Variants in ARHGAP35 observed in about 807,000 individuals in gnomAD.
ARHGAP35 encodes Rho GTPase activating protein 35.
Under a neutral mutation model 111.1 loss-of-function variants are expected in ARHGAP35, and 15 were observed. That is an observed-to-expected ratio of 0.13 (90% CI 0.09 to 0.21). The LOEUF is 0.21. ARHGAP35 is among the 10% of genes least tolerant of loss of function. The pLI is 1.00. For synonymous variants in ARHGAP35, 643 were observed against 710.3 expected (o/e 0.91, Z 1.51); for missense variants, 1,262 against 1,873.0 (o/e 0.67, Z 6.02).
rs201154399 is a variant in ARHGAP35, at chr19:46,905,555, A to ACC, written c.-188-12922_-188-12921dup. On this transcript the variant is annotated intron_variant, in intron 1 of 6. Transcript: ENST00000672722. ...CGCGCCCAGCTAATTTTTGTATTCC[A>ACC]CCCCCCCCCCCCAAGACAGAGTCTT... Among the ~76,000 whole-genome samples, 272 of 103,846 alleles carry ACC rather than the reference A, an allele frequency of 2.6e-3. 6 individuals carry two copies. The highest frequency in any genetic ancestry group is 9.4e-3 in the African/African-American group (237 of 25,088). 68.1% of individuals were successfully genotyped at this position (103,846 alleles called of 152,430 possible). A position where few individuals can be genotyped will look rare whatever the true frequency, so the allele number is the denominator to read the frequency against.
At chr19:46,958,016 G>A (rs1233763238) in intron 3 of ARHGAP35, among the ~76,000 whole-genome samples, 1 of 152,152 alleles carries the variant, frequency 6.6e-6, no homozygotes, top group African/African-American at 2.4e-5. Flanking sequence ...CGATCCTCCT[G>A]CCTCAGCCTC....
chr19:46,924,880 A>C (rs1441545188), intron 2 of ARHGAP35, among the ~76,000 whole-genome samples: 1 of 152,254 alleles, frequency 6.6e-6, no homozygotes, highest in East Asian at 1.9e-4. Context: ...ATACTTACTG[A>C]AAATGATGCT....
intron 3 of ARHGAP35, among the ~76,000 whole-genome samples, chr19:46,977,011 A>G (rs1408692087): frequency 6.6e-6 from 1 of 152,208 alleles, no homozygotes; most frequent in Admixed American, 6.5e-5. Flanking sequence ...TGAAGCACAG[A>G]TGAACTAACC....
chr19:46,981,824 G>GGTGTT (rs1398373595), intron 3 of ARHGAP35, among the ~76,000 whole-genome samples: 3 of 110,326 alleles, frequency 2.7e-5, no homozygotes, highest in Admixed American at 9.3e-5. Flanking sequence ...AGTATTTTTT[G>GGTGTT]GTGTTTTGTT....
intron 3 of ARHGAP35, among the ~76,000 whole-genome samples, chr19:46,981,002 G>C (rs2122319838): frequency 6.6e-6 from 1 of 152,306 alleles, no homozygotes; most frequent in East Asian, 1.9e-4. Flanking sequence ...CTCACCCTTT[G>C]ATCTTCCATT....
chr19:46,879,220 G>T (rs913476164), intron 1 of ARHGAP35, among the ~76,000 whole-genome samples: 1 of 152,170 alleles, frequency 6.6e-6, no homozygotes, highest in Non-Finnish European at 1.5e-5. Context: ...CTCTTCGGAA[G>T]GCCGAGGTGA....
intron 3 of ARHGAP35, among the ~76,000 whole-genome samples, chr19:46,965,466 T>TTTTGTTTGTTTGTTTG (rs146545859): frequency 6.0e-5 from 9 of 150,154 alleles, no homozygotes; most frequent in Admixed American, 2.0e-4. Context: ...TTCTTGGGTT[T>TTTTGTTTGTTTGTTTG]TTTGTTTGTT....
intron 1 of ARHGAP35, among the ~76,000 whole-genome samples, chr19:46,870,436 G>A (rs1013183318): frequency 4.6e-5 from 7 of 151,876 alleles, no homozygotes; most frequent in African/African-American, 7.2e-5. Context: ...AAAATTAGCC[G>A]GGTGTGGTGG....
intron 1 of ARHGAP35, among the ~76,000 whole-genome samples, chr19:46,903,453 C>A (rs2056091333): frequency 6.6e-6 from 1 of 152,190 alleles, no homozygotes; most frequent in African/African-American, 2.4e-5. Flanking sequence ...GAGGGAACCA[C>A]TCAGTGGGTT....
intron 1 of ARHGAP35, among the ~76,000 whole-genome samples, chr19:46,907,690 G>A (rs1306097690): frequency 6.6e-6 from 1 of 150,976 alleles, no homozygotes; most frequent in Non-Finnish European, 1.5e-5. Context: ...TGTTAGCCAG[G>A]ATGGTCTCCA....
At chr19:46,927,501 G>A (rs2056245290) in intron 2 of ARHGAP35, among the ~76,000 whole-genome samples, 1 of 152,204 alleles carries the variant, frequency 6.6e-6, no homozygotes, top group African/African-American at 2.4e-5. Flanking sequence ...AAGCTTCATG[G>A]AGCTGAAAGA....
chr19:46,903,251 G>A (rs1335812918), intron 1 of ARHGAP35, among the ~76,000 whole-genome samples: 1 of 152,206 alleles, frequency 6.6e-6, no homozygotes, highest in African/African-American at 2.4e-5. Context: ...AATCATATTA[G>A]CTATGGTACA....
chr19:46,915,603 AAC>A (rs2056158493), intron 1 of ARHGAP35, among the ~76,000 whole-genome samples: 1 of 152,194 alleles, frequency 6.6e-6, no homozygotes, highest in African/African-American at 2.4e-5. Context: ...GGCTTACAAA[AAC>A]ATAATGAGGT....
chr19:46,997,971 G>A (rs1457849578), intron 5 of ARHGAP35, among the ~76,000 whole-genome samples: 7 of 151,992 alleles, frequency 4.6e-5, no homozygotes, highest in Admixed American at 2.0e-4. Flanking sequence ...GCGTGGTGGC[G>A]GGCACCTGTA....
At chr19:46,925,217 G>C (rs1016962449) in intron 2 of ARHGAP35, among the ~76,000 whole-genome samples, 4 of 152,174 alleles carry the variant, frequency 2.6e-5, no homozygotes, top group Admixed American at 6.5e-5. Flanking sequence ...TTCTTTTCCT[G>C]CCTTGGAAAA....
rs1200452244 is a variant in ARHGAP35 at position 46,901,987 on chromosome 19, A to G, written c.-188-16501A>G. On this transcript the variant is annotated intron_variant, in intron 1 of 6. Coordinates refer to ENST00000672722, the MANE Select transcript of ARHGAP35 (RefSeq NM_004491.5). This position sits in a 1 kb window ranked among gnomAD's most constrained non-coding sequence, Gnocchi z 4.5. ...CTGGCTCCTCTCCAAGTGTTCTACC[A>G]CTAAAATGTTAATATTACCTTTCTC... 3.9e-5 allele frequency among the ~76,000 whole-genome samples: 6 copies of G among 152,202 alleles called. No homozygotes were observed. Among genetic ancestry groups the G allele is most frequent in the Admixed American group, 2.0e-4 (3 of 15,280 alleles).
At chr19:46,943,740 G>A (rs1368335608) in intron 3 of ARHGAP35, among the ~76,000 whole-genome samples, 32 of 152,178 alleles carry the variant, frequency 2.1e-4, no homozygotes, top group Non-Finnish European at 2.4e-4. Context: ...TTTAAGGCTT[G>A]TCCTGCAAAA....
Position 46,987,985 on chromosome 19 carries a change from T to C in ARHGAP35, c.3827-4T>C. The C allele has an allele frequency of 6.2e-7, 1 of 1,613,718 alleles. No homozygotes were observed. The highest frequency in any genetic ancestry group is 8.5e-7 in the Non-Finnish European group (1 of 1,179,796). On this transcript the variant is annotated splice_region_variant and splice_polypyrimidine_tract_variant and intron_variant, in intron 3 of 6. Coordinates refer to ENST00000672722, the MANE Select transcript of ARHGAP35 (RefSeq NM_004491.5). ...CTCCTAAGACCCTGCCTGTTTCTCC[T>C]CAGGACTGAGCACGGAAGGCATCTA...
Position 46,921,404 on chromosome 19 carries a change from A to G in ARHGAP35, c.2729A>G (p.Glu910Gly). The change falls in exon 2 of 7, where the codon GAG (glutamate) becomes GGG (glycine). Residue 910 changes from glutamate to glycine, a missense_variant. Coordinates refer to ENST00000672722, the MANE Select transcript of ARHGAP35 (RefSeq NM_004491.5). This position sits in a 1 kb window ranked among gnomAD's most constrained non-coding sequence, Gnocchi z 4.3. ...AGGGAACAGCTAACTGAGGGGGAGG[A>G]GATTGCTCAAGAAATTGACGGAAGG... ...LSREQLTEGE[E>G]IAQEIDGRFT... 6.2e-7 allele frequency: 1 copy of G among 1,613,910 alleles called. No homozygotes were observed. The highest frequency in any genetic ancestry group is 1.1e-5 in the South Asian group (1 of 91,080).
Sources: gnomAD v4.1 joint callset for allele counts (sites outside exome capture counted in the v4.1 genomes callset) on GRCh38, gnomAD v4.1.1 for gene constraint, Gnocchi (gnomAD v3.1) non-coding constraint, MANE v1.5 for transcripts, NCBI Gene and HGNC (gene_info 2026-07-23, HGNC 2026-07-21) for gene names.